Variants in PI4KA observed in about 807,000 individuals in gnomAD.
PI4KA encodes phosphatidylinositol 4-kinase alpha.
PI4KA carries 122 observed loss-of-function variants against 271.4 expected under a neutral mutation model. That is an observed-to-expected ratio of 0.45 (90% CI 0.39 to 0.52). The LOEUF (loss-of-function observed/expected upper bound fraction) is 0.52. PI4KA is among the 20% of genes least tolerant of loss of function. PI4KA has a pLI of 0.00. For synonymous variants in PI4KA, 1,041 were observed against 1,078.8 expected (o/e 0.96, Z 0.69); for missense variants, 1,969 against 2,769.1 (o/e 0.71, Z 6.48).
chr22:20,760,076 A>G (rs1190424731), intron 23 of PI4KA, among the ~76,000 whole-genome samples: 1 of 152,230 alleles, frequency 6.6e-6, no homozygotes, highest in Non-Finnish European at 1.5e-5. Context: ...AAGTTGATAG[A>G]TTCACCAACC....
chr22:20,794,480 G>A (rs956674059), intron 18 of PI4KA, among the ~76,000 whole-genome samples: 1 of 152,160 alleles, frequency 6.6e-6, no homozygotes, highest in Admixed American at 6.5e-5. Context: ...GTACCCCACT[G>A]GGAGACTTGG....
rs756947071 is a variant in PI4KA at position 20,729,961 on chromosome 22, G to A, written c.4339C>T (p.Gln1447Ter). 3 of 1,614,170 alleles carry A rather than the reference G, an allele frequency of 1.9e-6. No homozygotes were observed. The highest frequency in any genetic ancestry group is 1.7e-6 in the Non-Finnish European group (2 of 1,180,012). The change falls in exon 37 of 55, where the codon CAA becomes TAA. Residue 1447 changes from glutamine (Q) to a stop codon, truncating the protein, a stop_gained. Coordinates refer to ENST00000255882, the MANE Select transcript of PI4KA (RefSeq NM_058004.4). LOFTEE classifies it high-confidence loss of function. Reference protein sequence around the residue: ...NLDITVGSRQQATQGWINTYP... With the variant: ...NLDITVGSRQ ...GTGTTGATCCAGCCTTGGGTGGCTTGTTGCCGAGAGCCGACAGTTATGTCC... is the reference window on the plus strand; with the variant it reads ...GTGTTGATCCAGCCTTGGGTGGCTTATTGCCGAGAGCCGACAGTTATGTCC...
intron 7 of PI4KA, among the ~76,000 whole-genome samples, chr22:20,817,094 C>T (rs1921904651): frequency 6.6e-6 from 1 of 152,184 alleles, no homozygotes; most frequent in Non-Finnish European, 1.5e-5. Context: ...TATATTCTAA[C>T]ACATATATAG....
At chr22:20,749,808 T>C (rs1247239696) in intron 28 of PI4KA, 97 bp downstream of exon 28, 1 of 741,084 alleles carries the variant, frequency 1.3e-6, no homozygotes, top group African/African-American at 1.7e-5. Context: ...CCATTCACAC[T>C]AGTGCTATTT....
intron 4 of PI4KA, among the ~76,000 whole-genome samples, chr22:20,821,205 T>C (rs890760842): frequency 6.6e-6 from 1 of 152,220 alleles, no homozygotes; most frequent in Admixed American, 6.5e-5. Flanking sequence ...AATGAGCTTA[T>C]ACATAATTTT....
At chr22:20,763,022 G>C (rs1199846658) in intron 22 of PI4KA, among the ~76,000 whole-genome samples, 15 of 102,548 alleles carry the variant, frequency 1.5e-4, no homozygotes, top group Admixed American at 6.3e-4. Context: ...TTTTTTGGGG[G>C]GGGGGGGGGT....
rs993061802 is a variant in PI4KA at position 20,726,554 on chromosome 22, A to G, written c.4942-13T>C. 3.0e-5 allele frequency: 47 copies of G among 1,584,442 alleles called. No homozygotes were observed. The highest frequency in any genetic ancestry group is 3.9e-5 in the Non-Finnish European group (45 of 1,167,524). ...AGAGGATGGCGTCCTGTGGAGGTGG[A>G]GCAGAGTTGGCCATGACTTCTGAGA... On this transcript the variant is annotated splice_polypyrimidine_tract_variant and intron_variant, in intron 41 of 54. Coordinates refer to ENST00000255882, the MANE Select transcript of PI4KA (RefSeq NM_058004.4).
chr22:20,801,038 G>A (rs1420940473), intron 14 of PI4KA, among the ~76,000 whole-genome samples: 8 of 148,500 alleles, frequency 5.4e-5, no homozygotes, highest in African/African-American at 1.2e-4. Context: ...TTACAGGCAC[G>A]TGCCACCACG....
intron 50 of PI4KA, 120 bp downstream of exon 50, chr22:20,712,366 G>A: frequency 6.5e-7 from 1 of 1,550,018 alleles, no homozygotes; most frequent in South Asian, 1.2e-5. Context: ...AGGTGCCCTG[G>A]TTTTAACCCT....
chr22:20,847,019 G>A (rs572903183), intron 1 of PI4KA, among the ~76,000 whole-genome samples: 73 of 151,608 alleles, frequency 4.8e-4, no homozygotes, highest in Admixed American at 9.9e-4. Flanking sequence ...GTGGTGCAAC[G>A]CGCCTGTAAT....
At chr22:20,708,206 C>T in intron 54 of PI4KA, 108 bp from the exon 55 acceptor site, 1 of 849,024 alleles carries the variant, frequency 1.2e-6, no homozygotes, top group Middle Eastern at 3.2e-4. Context: ...GGCTGCCCAG[C>T]ACCTGAAGGT....
intron 39 of PI4KA, among the ~76,000 whole-genome samples, chr22:20,729,017 T>C (rs528763341): frequency 3.9e-4 from 59 of 152,292 alleles, no homozygotes; most frequent in African/African-American, 1.3e-3. Context: ...AGCCTCCACA[T>C]GCTTCCTATC....
At chr22:20,750,025 C>T (rs1376484652) in intron 27 of PI4KA, 31 bp from the exon 28 acceptor site, 1 of 1,476,350 alleles carries the variant, frequency 6.8e-7, no homozygotes, top group South Asian at 1.1e-5. Context: ...TTCTCAACAA[C>T]CCGAGGTCAG....
At chr22:20,726,961 C>T (rs1927427487) in intron 41 of PI4KA, among the ~76,000 whole-genome samples, 1 of 152,112 alleles carries the variant, frequency 6.6e-6, no homozygotes, top group Non-Finnish European at 1.5e-5. Context: ...GGGGTGTGCA[C>T]AGCTGCCGCG....
intron 29 of PI4KA, 30 bp downstream of exon 29, chr22:20,747,553 G>C (rs772266137): frequency 2.5e-6 from 4 of 1,611,782 alleles, no homozygotes; most frequent in Non-Finnish European, 3.4e-6. Flanking sequence ...GGTCTAAGGG[G>C]TCACTGCTCT....
rs375235889 is a variant in PI4KA at position 20,721,178 on chromosome 22, G to T, written c.5116+120C>A. Reference sequence around the variant, plus strand: ...TGAGAAGTGCCCCAGCAAAGGGTGGGAGTGGAGGGGTCGGTGAGCTGGGGC... The same window carrying T: ...TGAGAAGTGCCCCAGCAAAGGGTGGTAGTGGAGGGGTCGGTGAGCTGGGGC... On this transcript the variant is annotated intron_variant, in intron 43 of 54. Transcript: ENST00000255882. The T allele has an allele frequency of 6.3e-5, 62 of 978,736 alleles. 1 individual carries two copies. In the South Asian group the frequency reaches 8.2e-4, roughly 13 times the overall value. The allele number at this position is 978,736 out of a possible 1,614,324, so 60.6% of individuals were successfully genotyped here.
Position 20,857,493 on chromosome 22 carries a change from T to C in PI4KA, c.156+1077A>G, listed in dbSNP as rs565627551. ...CCAACTGCAGCAGGCTGGTCTCCGGTCACCACTGTCTTATCTTGTCGGAAA... is the reference window on the plus strand; with the variant it reads ...CCAACTGCAGCAGGCTGGTCTCCGGCCACCACTGTCTTATCTTGTCGGAAA... On this transcript the variant is annotated intron_variant, in intron 1 of 54. Transcript: ENST00000255882. 1.3e-3 allele frequency among the ~76,000 whole-genome samples: 193 copies of C among 152,330 alleles called. 1 individual carries two copies. Among genetic ancestry groups the C allele is most frequent in the Middle Eastern group, 3.4e-3 (1 of 294 alleles).
intron 19 of PI4KA, among the ~76,000 whole-genome samples, chr22:20,767,580 A>AGCCTT (rs1932648848): frequency 6.6e-6 from 1 of 151,842 alleles, no homozygotes; most frequent in African/African-American, 2.4e-5. Context: ...CTCCCACCTC[A>AGCCTT]GCCTTCCCAG....
At chr22:20,775,146 C>T (rs1321511303) in intron 19 of PI4KA, among the ~76,000 whole-genome samples, 2 of 151,784 alleles carry the variant, frequency 1.3e-5, no homozygotes, top group Non-Finnish European at 1.5e-5. Context: ...CTGAAAAGGC[C>T]AACCCAGCTC....
Sources: gnomAD v4.1 joint callset for allele counts (sites outside exome capture counted in the v4.1 genomes callset) on GRCh38, gnomAD v4.1.1 for gene constraint, MANE v1.5 for transcripts, NCBI Gene and HGNC (gene_info 2026-07-23, HGNC 2026-07-21) for gene names.